The following PPP6R2 variants were observed in gnomAD, a reference collection of about 807,000 sequenced individuals.
The protein encoded by PPP6R2 is protein phosphatase 6 regulatory subunit 2, also known as serine/threonine-protein phosphatase 6 regulatory subunit 2.
PPP6R2 carries 62 observed loss-of-function variants against 100.2 expected under a neutral mutation model. The observed-to-expected ratio is 0.62, with a 90% CI of 0.50 to 0.76. The LOEUF (loss-of-function observed/expected upper bound fraction) is 0.76, where lower values mean the gene tolerates loss of function less well. Among genes scored for constraint, PPP6R2 ranks in the 30% least tolerant of loss-of-function variants. The probability of loss-of-function intolerance (pLI) is 0.00; values close to 1 mark genes in which losing one functional copy is unlikely to be tolerated. For synonymous variants in PPP6R2, 525 were observed against 514.7 expected (o/e 1.02, Z -0.27); for missense variants, 1,142 against 1,276.3 (o/e 0.89, Z 1.60).
chr22:50,417,681 G>C (rs1390853433), intron 6 of PPP6R2, among the ~76,000 whole-genome samples: 1 of 151,934 alleles, frequency 6.6e-6, no homozygotes, highest in Non-Finnish European at 1.5e-5. Flanking sequence ...GCGTCTGTAG[G>C]AAACAAGGAG....
chr22:50,396,744 C>T (rs2056978675), intron 3 of PPP6R2, among the ~76,000 whole-genome samples: 1 of 152,092 alleles, frequency 6.6e-6, no homozygotes, highest in African/African-American at 2.4e-5. Flanking sequence ...GTCCCTGTGG[C>T]AGGGGGTGGT....
chr22:50,396,283 T>A (rs2056834925), intron 3 of PPP6R2, among the ~76,000 whole-genome samples: 1 of 145,052 alleles, frequency 6.9e-6, no homozygotes, highest in Non-Finnish European at 1.5e-5. Context: ...GATCACGAGG[T>A]CAGGAGTTCG....
intron 6 of PPP6R2, among the ~76,000 whole-genome samples, chr22:50,416,977 A>G (rs534713079): frequency 1.3e-5 from 2 of 151,936 alleles, no homozygotes; most frequent in South Asian, 2.1e-4. Flanking sequence ...ACCAAAGAAC[A>G]ATTCTAATAG....
intron 1 of PPP6R2, among the ~76,000 whole-genome samples, chr22:50,369,109 G>A (rs762311348): frequency 6.6e-6 from 1 of 151,934 alleles, no homozygotes; most frequent in Non-Finnish European, 1.5e-5. Context: ...GTGGTGGTGC[G>A]TGCCTGCAAT....
intron 1 of PPP6R2, among the ~76,000 whole-genome samples, chr22:50,368,856 TC>T (rs1395782191): frequency 1.3e-5 from 2 of 151,626 alleles, no homozygotes; most frequent in Non-Finnish European, 2.9e-5. Flanking sequence ...CACACATTCT[TC>T]CTCCAGCTCA....
rs2066596617 is a variant in PPP6R2 at position 50,444,465 on chromosome 22, A to G, written c.*218A>G. ...TCACTCGTGCCCTGCTGGAGGACAG[A>G]GGGGCACCTCAGCCGCCCCCAAGCC... On this transcript the variant is annotated 3_prime_UTR_variant, in exon 24 of 24. Coordinates refer to ENST00000612753, the MANE Select transcript of PPP6R2 (RefSeq NM_001242898.2). The G allele has an allele frequency of 1.0e-5, 4 of 397,790 alleles. No homozygotes were observed. Among genetic ancestry groups the G allele is most frequent in the East Asian group, 7.9e-5 (1 of 12,680 alleles). 24.6% of individuals were successfully genotyped at this position (397,790 alleles called of 1,614,324 possible).
chr22:50,419,004 T>C, intron 7 of PPP6R2, 25 bp downstream of exon 7: 1 of 1,569,278 alleles, frequency 6.4e-7, no homozygotes, highest in Non-Finnish European at 8.8e-7. Flanking sequence ...GCCGTGGTGC[T>C]GGTGGGCCTC....
chr22:50,357,846 T>C (rs150056134), intron 1 of PPP6R2, among the ~76,000 whole-genome samples: 19 of 152,084 alleles, frequency 1.2e-4, no homozygotes, highest in African/African-American at 4.6e-4. Context: ...GGGTGGTCTT[T>C]AACTCCTGAC....
At chr22:50,411,831 G>T (rs913175182) in intron 4 of PPP6R2, among the ~76,000 whole-genome samples, 1 of 152,048 alleles carries the variant, frequency 6.6e-6, no homozygotes, top group Non-Finnish European at 1.5e-5. Flanking sequence ...GGATCACAAG[G>T]TCAGGAGATC....
rs966396118 is a variant in PPP6R2, at chr22:50,351,710, C to T, written c.-148+8160C>T. Among the ~76,000 whole-genome samples, 24 of 151,814 alleles carry T rather than the reference C, an allele frequency of 1.6e-4. 1 individual carries two copies. Among genetic ancestry groups the T allele is most frequent in the Admixed American group, 1.5e-3 (23 of 15,228 alleles). ...GTGCAGTGGTGCCATCTCAGCTCAC[C>T]GCAACCTCTGGTTCCCGTGTTCAAG... On this transcript the variant is annotated intron_variant, in intron 1 of 23. Coordinates refer to ENST00000612753, the MANE Select transcript of PPP6R2 (RefSeq NM_001242898.2).
intron 1 of PPP6R2, among the ~76,000 whole-genome samples, chr22:50,358,159 T>C (rs2047010382): frequency 6.6e-6 from 1 of 152,080 alleles, no homozygotes; most frequent in Non-Finnish European, 1.5e-5. Context: ...TCTCTCTGCG[T>C]AGCCCAGGGT....
intron 1 of PPP6R2, among the ~76,000 whole-genome samples, chr22:50,355,436 C>T (rs1406942791): frequency 6.6e-6 from 1 of 151,730 alleles, no homozygotes; most frequent in East Asian, 1.9e-4. Context: ...GAAGGGGTTT[C>T]ACTGTGGTCT....
In PPP6R2 at chr22:50,430,828, C is replaced by G. The variant is rs369389028; in HGVS notation, c.1126-345C>G. ...GGCAGGGGTTGCAGTGAGCCGAGATCGTGCCACTGCACTCTAGCCTGGGAG... is the reference window on the plus strand; with the variant it reads ...GGCAGGGGTTGCAGTGAGCCGAGATGGTGCCACTGCACTCTAGCCTGGGAG... On this transcript the variant is annotated intron_variant, in intron 10 of 23. Coordinates refer to ENST00000612753, the MANE Select transcript of PPP6R2 (RefSeq NM_001242898.2). Among the ~76,000 whole-genome samples, 89 of 146,254 alleles carry G rather than the reference C, an allele frequency of 6.1e-4. 2 individuals carry two copies. In the South Asian group the frequency reaches 0.012, roughly 20 times the overall value.
chr22:50,362,689 C>T (rs181237645), intron 1 of PPP6R2, among the ~76,000 whole-genome samples: 31 of 152,208 alleles, frequency 2.0e-4, no homozygotes, highest in Admixed American at 1.2e-3. Flanking sequence ...CGTGAGGTCA[C>T]CAGGTGGGGC....
intron 1 of PPP6R2, among the ~76,000 whole-genome samples, chr22:50,343,830 CCAGT>C (rs1436380228): frequency 3.3e-5 from 1 of 30,692 alleles, no homozygotes; most frequent in African/African-American, 1.7e-4. Flanking sequence ...CAGTTCCCCC[CCAGT>C]CAGTTTCCCC....
chr22:50,435,839 T>G lies in PPP6R2; in HGVS notation c.1517-528T>G, dbSNP rs533550411. On this transcript the variant is annotated intron_variant, in intron 13 of 23. Coordinates refer to ENST00000612753, the MANE Select transcript of PPP6R2 (RefSeq NM_001242898.2). ...GACAGCTCCCCAGGGCAGGGGCAGT[T>G]TAAGGAGGCGAGGGGCAAGCAGGAA... 2.0e-5 allele frequency among the ~76,000 whole-genome samples: 3 copies of G among 152,148 alleles called. No homozygotes were observed. In the East Asian group the frequency reaches 5.8e-4, roughly 29 times the overall value.
intron 1 of PPP6R2, among the ~76,000 whole-genome samples, chr22:50,350,973 G>A (rs899048507): frequency 2.0e-5 from 3 of 149,162 alleles, no homozygotes; most frequent in East Asian, 4.1e-4. Context: ...TGGTCAATGA[G>A]CAGTAATATT....
chr22:50,377,862 C>T (rs927675701), intron 2 of PPP6R2, among the ~76,000 whole-genome samples: 1 of 152,060 alleles, frequency 6.6e-6, no homozygotes, highest in Admixed American at 6.6e-5. Flanking sequence ...CAAAAAGTAG[C>T]TCAGCGTGGT....
rs757161749 is a variant in PPP6R2, at chr22:50,440,029, G to C, written c.2354G>C (p.Ser785Thr). ...TECSHAEGSR[S>T]QGPEKAFSPA... Reference sequence around the variant, plus strand: ...TGCAGCCATGCTGAGGGCAGCCGGAGCCAAGGCCCTGAGAAAGCCTGTGAG... The same window carrying C: ...TGCAGCCATGCTGAGGGCAGCCGGACCCAAGGCCCTGAGAAAGCCTGTGAG... The change falls in exon 21 of 24, where the codon AGC becomes ACC. Residue 785 changes from serine (S) to threonine (T), a missense_variant. Coordinates refer to ENST00000612753, the MANE Select transcript of PPP6R2 (RefSeq NM_001242898.2). 22 of 1,613,166 alleles carry C rather than the reference G, an allele frequency of 1.4e-5. No homozygotes were observed. In the South Asian group the frequency reaches 1.8e-4, roughly 13 times the overall value.
Sources: gnomAD v4.1 joint callset for allele counts (sites outside exome capture counted in the v4.1 genomes callset) on GRCh38, gnomAD v4.1.1 for gene constraint, MANE v1.5 for transcripts, NCBI Gene and HGNC (gene_info 2026-07-23, HGNC 2026-07-21) for gene names.